Variants in FAM53B observed in about 807,000 individuals in gnomAD.
FAM53B encodes the protein family with sequence similarity 53 member B, also known as protein FAM53B.
FAM53B carries 12 observed loss-of-function variants against 32.7 expected under a neutral mutation model. That is an observed-to-expected ratio of 0.37 (90% CI 0.24 to 0.59). The LOEUF is 0.59. Ranked by LOEUF, FAM53B falls within the 20% of genes least tolerant of loss-of-function variation. FAM53B has a pLI of 0.72. For missense variants in FAM53B, 477 were observed against 577.7 expected (o/e 0.83, Z 1.79); for synonymous variants, 234 against 228.7 (o/e 1.02, Z -0.21).
At chr10:124,646,597 C>T (rs537322003) in intron 4 of FAM53B, among the ~76,000 whole-genome samples, 1 of 152,336 alleles carries the variant, frequency 6.6e-6, no homozygotes, top group African/African-American at 2.4e-5. Flanking sequence ...CAGGGCTTTA[C>T]GGCTCCCTCA....
At chr10:124,665,660 A>G (rs1360324624) in intron 4 of FAM53B, among the ~76,000 whole-genome samples, 5 of 152,244 alleles carry the variant, frequency 3.3e-5, no homozygotes, top group Non-Finnish European at 5.9e-5. Flanking sequence ...CAGAGGATAC[A>G]GCCCTGGGCA....
At chr10:124,645,084 A>C (rs1432614054) in intron 4 of FAM53B, among the ~76,000 whole-genome samples, 4 of 152,204 alleles carry the variant, frequency 2.6e-5, no homozygotes, top group Non-Finnish European at 5.9e-5. Flanking sequence ...GACCAGGTTT[A>C]GCCTCAAGCA....
At chr10:124,736,354 T>C (rs1950174184) in intron 1 of FAM53B, among the ~76,000 whole-genome samples, 1 of 152,258 alleles carries the variant, frequency 6.6e-6, no homozygotes, top group South Asian at 2.1e-4. Flanking sequence ...CCCAGGATCA[T>C]GCCACAGAGG....
chr10:124,623,843 G>A (rs900613402), intron 4 of FAM53B: 8 of 496,086 alleles, frequency 1.6e-5, no homozygotes, highest in South Asian at 9.0e-5. Flanking sequence ...CTACTAACTC[G>A]GCAAAGCACA....
intron 3 of FAM53B, among the ~76,000 whole-genome samples, chr10:124,690,759 T>C (rs1486583051): frequency 3.3e-5 from 5 of 152,172 alleles, no homozygotes; most frequent in African/African-American, 7.2e-5. Flanking sequence ...ATGACCATAA[T>C]AAAAATAAAA....
intron 1 of FAM53B, among the ~76,000 whole-genome samples, chr10:124,723,773 C>T (rs1950084704): frequency 6.6e-6 from 1 of 152,202 alleles, no homozygotes; most frequent in South Asian, 2.1e-4. Context: ...ACAGGGAGGG[C>T]CAAGGTCCTG....
intron 4 of FAM53B, among the ~76,000 whole-genome samples, chr10:124,646,049 G>A (rs1949511013): frequency 6.6e-6 from 1 of 152,182 alleles, no homozygotes; most frequent in African/African-American, 2.4e-5. Flanking sequence ...CACCAGGGAG[G>A]TCAAGGCCTT....
chr10:124,717,484 A>G (rs1021384017), intron 1 of FAM53B, among the ~76,000 whole-genome samples: 3 of 152,254 alleles, frequency 2.0e-5, no homozygotes, highest in Non-Finnish European at 4.4e-5. Context: ...CCTGACCTGC[A>G]GTTCAAGGTC....
At chr10:124,669,277 A>G (rs541444134) in intron 4 of FAM53B, among the ~76,000 whole-genome samples, 2 of 152,208 alleles carry the variant, frequency 1.3e-5, no homozygotes, top group Non-Finnish European at 2.9e-5. Context: ...GCACCAGATC[A>G]CTGGGCCCTT....
chr10:124,641,538 T>G (rs551019746), intron 4 of FAM53B, among the ~76,000 whole-genome samples: 19 of 152,340 alleles, frequency 1.2e-4, no homozygotes, highest in African/African-American at 4.6e-4. Flanking sequence ...AAAAAGGAAC[T>G]GCCAGACAAC....
In FAM53B at chr10:124,687,561, C is replaced by T. The variant is rs150511016; in HGVS notation, c.134-5182G>A. ...CTGGAAAACGCTCTCCTAGCTGAGG[C>T]TTGACTCAGCCAGAGCTGCAACAGG... On this transcript the variant is annotated intron_variant, in intron 3 of 4. Coordinates refer to ENST00000337318, the MANE Select transcript of FAM53B (RefSeq NM_014661.4). Among the ~76,000 whole-genome samples, 924 of 152,316 alleles carry T rather than the reference C, an allele frequency of 6.1e-3. 2 individuals are homozygous for T. The highest frequency in any genetic ancestry group is 0.01 in the Non-Finnish European group (704 of 68,032).
At chr10:124,661,475 A>C (rs1949630952) in intron 4 of FAM53B, among the ~76,000 whole-genome samples, 1 of 152,200 alleles carries the variant, frequency 6.6e-6, no homozygotes, top group Admixed American at 6.5e-5. Flanking sequence ...GAAAGGGCCC[A>C]AACAGGATCT....
At chr10:124,730,556 T>C (rs974028834) in intron 1 of FAM53B, among the ~76,000 whole-genome samples, 1 of 152,216 alleles carries the variant, frequency 6.6e-6, no homozygotes, top group African/African-American at 2.4e-5. Flanking sequence ...ATACCTCCTC[T>C]GCACTTTTGG....
At chr10:124,699,505 A>G (rs780766974) in intron 2 of FAM53B, among the ~76,000 whole-genome samples, 9 of 152,200 alleles carry the variant, frequency 5.9e-5, no homozygotes, top group Non-Finnish European at 1.0e-4. Flanking sequence ...ATGAACCAGC[A>G]ATGGTGCACA....
At chr10:124,641,978 G>C (rs1370645653) in intron 4 of FAM53B, among the ~76,000 whole-genome samples, 1 of 152,236 alleles carries the variant, frequency 6.6e-6, no homozygotes, top group African/African-American at 2.4e-5. Flanking sequence ...ACCTGCTAAG[G>C]TCACCCAGCT....
chr10:124,699,540 C>T (rs1451298048), intron 2 of FAM53B, among the ~76,000 whole-genome samples: 11 of 152,248 alleles, frequency 7.2e-5, no homozygotes, highest in Non-Finnish European at 1.0e-4. Context: ...CTCGAAAGAA[C>T]GACTTCTCCA....
At position 124,681,720 on chromosome 10, in the gene FAM53B, G is replaced by C; in HGVS notation, c.793C>G (p.Arg265Gly). Residue 265 changes from arginine (R) to glycine (G), a missense_variant, in exon 4 of 5, where the codon CGC (arginine) becomes GGC (glycine). Transcript: ENST00000337318. ...ELARRSSGLS[R>G]SRSQPCVLND... ...AGGACACACGGCTGGGAGCGGCTGC[G>C]GGAAAGGCCGCTGGAGCGTCTCGCC... is the stretch of plus-strand genomic sequence containing the variant. The C allele has an allele frequency of 6.2e-7, 1 of 1,610,758 alleles. No individual in the cohort carries two copies. Among genetic ancestry groups the C allele is most frequent in the Non-Finnish European group, 8.5e-7 (1 of 1,178,632 alleles).
At chr10:124,625,491 G>C (rs1053466558) in intron 4 of FAM53B, among the ~76,000 whole-genome samples, 2 of 152,314 alleles carry the variant, frequency 1.3e-5, no homozygotes, top group Non-Finnish European at 2.9e-5. Context: ...CACCACGGCA[G>C]AGAGCTGGAG....
intron 1 of FAM53B, among the ~76,000 whole-genome samples, chr10:124,714,453 G>T (rs1306254742): frequency 6.6e-6 from 1 of 151,936 alleles, no homozygotes; most frequent in African/African-American, 2.4e-5. Context: ...TCAACACACA[G>T]AAAAAAAGAG....
Sources: gnomAD v4.1 joint callset for allele counts (sites outside exome capture counted in the v4.1 genomes callset) on GRCh38, gnomAD v4.1.1 for gene constraint, MANE v1.5 for transcripts, NCBI Gene and HGNC (gene_info 2026-07-23, HGNC 2026-07-21) for gene names.